Variants in OPCML observed in about 807,000 individuals in gnomAD.
The protein encoded by OPCML is opioid-binding protein/cell adhesion molecule.
In OPCML, 13 loss-of-function variants were observed where a neutral mutation model predicts 37.8. That is an observed-to-expected ratio of 0.34 (90% CI 0.22 to 0.55). OPCML has a LOEUF of 0.55. Among genes scored for constraint, OPCML ranks in the 20% least tolerant of loss-of-function variants. The probability of loss-of-function intolerance (pLI) is 0.91; values close to 1 mark genes in which losing one functional copy is unlikely to be tolerated. For missense variants in OPCML, 341 were observed against 435.6 expected (o/e 0.78, Z 1.93); for synonymous variants, 176 against 168.8 (o/e 1.04, Z -0.33).
intron 1 of OPCML, among the ~76,000 whole-genome samples, chr11:133,137,630 A>C (rs147987755): frequency 6.6e-6 from 1 of 152,180 alleles, no homozygotes; most frequent in East Asian, 1.9e-4. Context: ...CTGCTCCTAT[A>C]AACCCACTTT....
At chr11:132,866,943 A>T (rs1028716588) in intron 2 of OPCML, among the ~76,000 whole-genome samples, 14 of 152,228 alleles carry the variant, frequency 9.2e-5, no homozygotes, top group African/African-American at 2.7e-4. Context: ...TAAATGTGTG[A>T]GTAGTCACAG....
chr11:133,014,578 G>A (rs953232550), intron 1 of OPCML, among the ~76,000 whole-genome samples: 7 of 152,170 alleles, frequency 4.6e-5, no homozygotes, highest in African/African-American at 1.7e-4. Context: ...GGCCGAGACT[G>A]TATGTCCATG....
chr11:132,966,710 C>T (rs1350443482), intron 1 of OPCML, among the ~76,000 whole-genome samples: 1 of 151,834 alleles, frequency 6.6e-6, no homozygotes, highest in Non-Finnish European at 1.5e-5. Flanking sequence ...TCAATATTTG[C>T]TTGGTATATT....
intron 1 of OPCML, among the ~76,000 whole-genome samples, chr11:133,207,603 C>G (rs1287202107): frequency 2.0e-5 from 3 of 152,172 alleles, no homozygotes; most frequent in Admixed American, 1.3e-4. Context: ...GTTAGCAGAA[C>G]TAGATGACTT....
At chr11:132,527,511 C>T (rs762032945) in intron 4 of OPCML, among the ~76,000 whole-genome samples, 2 of 151,354 alleles carry the variant, frequency 1.3e-5, no homozygotes, top group Non-Finnish European at 2.9e-5. Flanking sequence ...ACTTATTTGC[C>T]ATTCATATAC....
intron 2 of OPCML, among the ~76,000 whole-genome samples, chr11:132,679,480 GACA>G (rs964490502): frequency 9.9e-5 from 15 of 152,122 alleles, no homozygotes; most frequent in African/African-American, 3.4e-4. Flanking sequence ...AATGAAATAA[GACA>G]ACAACAAAAG....
In OPCML at chr11:133,174,151, C is replaced by T. The variant is rs936673728; in HGVS notation, c.62-231141G>A. 1.3e-5 allele frequency among the ~76,000 whole-genome samples: 2 copies of T among 152,174 alleles called. No homozygotes were observed. Among genetic ancestry groups the T allele is most frequent in the Admixed American group, 1.3e-4 (2 of 15,282 alleles). On this transcript the variant is annotated intron_variant, in intron 1 of 7. Coordinates refer to ENST00000524381, the MANE Select transcript of OPCML (RefSeq NM_001012393.5). The surrounding 1 kb of genome is among the most constrained non-coding windows in gnomAD (Gnocchi z 4.6). ...GGCTGGTCCCTTGTGTCTTCCCTTC[C>T]CTCTCATTCTCCACCTTCTTTGGCA... is the stretch of plus-strand genomic sequence containing the variant.
intron 1 of OPCML, among the ~76,000 whole-genome samples, chr11:133,467,150 C>T (rs1330411017): frequency 2.0e-5 from 3 of 152,172 alleles, no homozygotes; most frequent in Non-Finnish European, 4.4e-5. Flanking sequence ...CCAGTGCCCC[C>T]CTAAGATGGT....
intron 3 of OPCML, among the ~76,000 whole-genome samples, chr11:132,652,250 G>A (rs1301427001): frequency 6.6e-6 from 1 of 151,874 alleles, no homozygotes; most frequent in Non-Finnish European, 1.5e-5. Flanking sequence ...ATCATTTATT[G>A]TAGCTTTGGT....
rs1477598318 is a variant in OPCML at position 133,226,068 on chromosome 11, T to A, written c.62-283058A>T. Among the ~76,000 whole-genome samples, 115 of 152,242 alleles carry A rather than the reference T, an allele frequency of 7.6e-4. 1 individual carries two copies. Among genetic ancestry groups the A allele is most frequent in the Non-Finnish European group, 1.0e-4 (7 of 68,042 alleles). On this transcript the variant is annotated intron_variant, in intron 1 of 7. Coordinates refer to ENST00000524381, the MANE Select transcript of OPCML (RefSeq NM_001012393.5). ...AGCAATTAAGTGACAGAGCTGGGAT[T>A]TGAAATTTCCTGTGGTCACTGCAGA...
At chr11:132,808,272 G>A (rs2136219445) in intron 2 of OPCML, among the ~76,000 whole-genome samples, 1 of 152,340 alleles carries the variant, frequency 6.6e-6, no homozygotes, top group Middle Eastern at 3.4e-3. Context: ...ATAGCACGGT[G>A]GGAATGTAAG....
chr11:132,891,050 C>A (rs987964583), intron 2 of OPCML, among the ~76,000 whole-genome samples: 1 of 152,038 alleles, frequency 6.6e-6, no homozygotes, highest in African/African-American at 2.4e-5. Flanking sequence ...ATGCAATTTA[C>A]AAGCCACATC....
intron 4 of OPCML, among the ~76,000 whole-genome samples, chr11:132,498,032 G>T (rs983206906): frequency 1.3e-5 from 2 of 152,006 alleles, no homozygotes; most frequent in Admixed American, 6.6e-5. Flanking sequence ...TAGACAACAC[G>T]ATAAATTATT....
chr11:132,473,245 ATG>A (rs2096143756), intron 4 of OPCML, among the ~76,000 whole-genome samples: 1 of 152,190 alleles, frequency 6.6e-6, no homozygotes, highest in African/African-American at 2.4e-5. Context: ...AAATTTGTGA[ATG>A]TGTGAAAATT....
At chr11:133,289,452 G>T (rs868592480) in intron 1 of OPCML, among the ~76,000 whole-genome samples, 1 of 151,600 alleles carries the variant, frequency 6.6e-6, no homozygotes, top group South Asian at 2.1e-4. Context: ...AAAATTAGCC[G>T]GGCGTAGTGG....
At chr11:132,760,575 T>TA (rs1565841073) in intron 2 of OPCML, among the ~76,000 whole-genome samples, 2 of 150,774 alleles carry the variant, frequency 1.3e-5, no homozygotes, top group South Asian at 2.1e-4. Context: ...TTTTTTTTTT[T>TA]ATCTTTGTTG....
intron 2 of OPCML, among the ~76,000 whole-genome samples, chr11:132,920,995 C>A (rs1195973415): frequency 1.3e-5 from 2 of 152,182 alleles, no homozygotes; most frequent in East Asian, 3.9e-4. Context: ...AGCTCCAGTG[C>A]TTCCCGCTGC....
At chr11:132,874,454 CTTCCTTCCTTCT>C (rs904811732) in intron 2 of OPCML, among the ~76,000 whole-genome samples, 1 of 142,032 alleles carries the variant, frequency 7.0e-6, no homozygotes, top group African/African-American at 2.6e-5. Flanking sequence ...CTTTCCTTCC[CTTCCTTCCTTCT>C]TTCCTTCCTA....
intron 1 of OPCML, among the ~76,000 whole-genome samples, chr11:133,312,264 A>G (rs1943082081): frequency 3.9e-5 from 6 of 152,186 alleles, no homozygotes; most frequent in Admixed American, 3.9e-4. Flanking sequence ...CAACCAAAAG[A>G]AACAAATATG....
Sources: gnomAD v4.1 joint callset for allele counts (sites outside exome capture counted in the v4.1 genomes callset) on GRCh38, gnomAD v4.1.1 for gene constraint, Gnocchi (gnomAD v3.1) non-coding constraint, MANE v1.5 for transcripts, NCBI Gene and HGNC (gene_info 2026-07-23, HGNC 2026-07-21) for gene names.